Variants in CERS1 observed in about 807,000 individuals in gnomAD.
CERS1 encodes ceramide synthase 1.
A neutral mutation model predicts 35.7 loss-of-function variants in CERS1; 16 were observed. The ratio of observed to expected loss-of-function variants is 0.45; its 90% CI spans 0.30 to 0.68. The LOEUF (loss-of-function observed/expected upper bound fraction) is 0.68, where lower values mean the gene tolerates loss of function less well. Ranked by LOEUF, CERS1 falls within the 30% of genes least tolerant of loss-of-function variation. The pLI, the probability that CERS1 is intolerant of heterozygous loss-of-function variation, is 0.08. For missense variants in CERS1, 454 were observed against 453.9 expected (o/e 1.00, Z 0.00); for synonymous variants, 243 against 201.6 (o/e 1.21, Z -1.74).
chr19:18,894,134 G>A (rs2056566555), intron 1 of CERS1, among the ~76,000 whole-genome samples: 1 of 151,854 alleles, frequency 6.6e-6, no homozygotes, highest in South Asian at 2.1e-4. Context: ...GGGGCTGGAG[G>A]CAGAAAAAGG....
chr19:18,885,510 C>CTT (rs1568302620), intron 2 of CERS1, among the ~76,000 whole-genome samples: 1 of 29,506 alleles, frequency 3.4e-5, no homozygotes, highest in African/African-American at 1.1e-4. Flanking sequence ...CGCCCCTTCT[C>CTT]GTTTTTTTTT....
At position 18,870,605 on chromosome 19, in the gene CERS1, T is replaced by C. The variant is rs1402819628; in HGVS notation, c.1025A>G (p.Asn342Ser). The C allele has an allele frequency of 1.7e-6, 1 of 580,424 alleles. No homozygotes were observed. Among genetic ancestry groups the C allele is most frequent in the Non-Finnish European group, 3.1e-6 (1 of 320,430 alleles). The allele number at this position is 580,424 out of a possible 1,614,324, so 36.0% of individuals were successfully genotyped here. Reference protein sequence around the residue: ...KPSKAEKPLRNGLVKDKRF With the variant: ...KPSKAEKPLRSGLVKDKRF ...GAAGCGCTTGTCCTTCACCAGGCCG[T>C]TCCTCAGTGGCTTCCTGGGGGTCAG... Residue 342 changes from asparagine to serine, a missense_variant, in exon 7 of 8, where the codon AAC (asparagine) becomes AGC (serine). Transcript: ENST00000623882. This position sits in a 1 kb window ranked among gnomAD's most constrained non-coding sequence, Gnocchi z 5.1.
chr19:18,892,713 G>A (rs911080285), intron 2 of CERS1, among the ~76,000 whole-genome samples: 4 of 152,200 alleles, frequency 2.6e-5, no homozygotes, highest in East Asian at 1.9e-4. Flanking sequence ...GAGTGCCTCC[G>A]GGCCTTTGCA....
Position 18,896,118 on chromosome 19 carries a change from T to C in CERS1, c.-46A>G. 1.3e-6 allele frequency: 1 copy of C among 763,934 alleles called. No individual in the cohort carries two copies. The highest frequency in any genetic ancestry group is 1.6e-6 in the Non-Finnish European group (1 of 631,270). 47.3% of individuals were successfully genotyped at this position (763,934 alleles called of 1,614,324 possible). A position where few individuals can be genotyped will look rare whatever the true frequency, so the allele number is the denominator to read the frequency against. On this transcript the variant is annotated 5_prime_UTR_variant, in exon 1 of 8. Transcript: ENST00000623882. The surrounding 1 kb of genome is among the most constrained non-coding windows in gnomAD (Gnocchi z 5.9). ...GCCCGTCGCCTGCGCCCGCCCGCGG[T>C]AGCCGACGGAGCCGCGCGCCCCGCG... is the stretch of plus-strand genomic sequence containing the variant.
chr19:18,880,821 C>T (rs113954439), intron 3 of CERS1, among the ~76,000 whole-genome samples: 3,189 of 152,106 alleles, frequency 0.021, 104 homozygotes, highest in African/African-American at 0.072. Flanking sequence ...CCTCAGCCCC[C>T]GGAGAAGCTG....
rs769251788 is a variant in CERS1, at chr19:18,884,076, C to G, written c.590+11G>C. 6.2e-5 allele frequency: 99 copies of G among 1,609,688 alleles called. No homozygotes were observed. The highest frequency in any genetic ancestry group is 8.2e-5 in the Non-Finnish European group (96 of 1,177,314). On this transcript the variant is annotated intron_variant, in intron 3 of 7. Coordinates refer to ENST00000623882, the MANE Select transcript of CERS1 (RefSeq NM_021267.5). ...GTGCCTCGGCCCCCTGCCACCCGATCCTGTCCTTACCGGAAGGCGTAGGAG... is the reference window on the plus strand; with the variant it reads ...GTGCCTCGGCCCCCTGCCACCCGATGCTGTCCTTACCGGAAGGCGTAGGAG...
At position 18,895,749 on chromosome 19, in the gene CERS1, C is replaced by A; in HGVS notation, c.249+75G>T. 1 of 826,854 alleles carries A rather than the reference C, an allele frequency of 1.2e-6. No homozygotes were observed. 51.2% of individuals were successfully genotyped at this position (826,854 alleles called of 1,614,324 possible). A position where few individuals can be genotyped will look rare whatever the true frequency, so the allele number is the denominator to read the frequency against. Reference sequence around the variant, plus strand: ...GCCAGCGCTGGAAGAAAGGAACGCGCCGGCGGCCCCAGGTCCCCGGTCCCG... The same window carrying A: ...GCCAGCGCTGGAAGAAAGGAACGCGACGGCGGCCCCAGGTCCCCGGTCCCG... On this transcript the variant is annotated intron_variant, in intron 1 of 7. Transcript: ENST00000623882. The surrounding 1 kb of genome is among the most constrained non-coding windows in gnomAD (Gnocchi z 6.4).
At chr19:18,882,913 G>T (rs1466352640) in intron 3 of CERS1, among the ~76,000 whole-genome samples, 2 of 151,976 alleles carry the variant, frequency 1.3e-5, no homozygotes, top group Admixed American at 6.6e-5. Flanking sequence ...GGATGGTCTC[G>T]ATCTCCTGAC....
intron 6 of CERS1, among the ~76,000 whole-genome samples, chr19:18,872,763 G>A (rs979100245): frequency 3.3e-5 from 5 of 151,432 alleles, no homozygotes; most frequent in African/African-American, 7.3e-5. Context: ...TGATCCACCC[G>A]CCTCAGCCTC....
At position 18,869,178 on chromosome 19, in the gene CERS1, G is replaced by A. The variant is rs1327700282; in HGVS notation, c.*807C>T. ...GGCACCAACTGGCGGAGCAGCACCG[G>A]CCCGGGGTCCGCGCCCGCGCCCTGG... On this transcript the variant is annotated 3_prime_UTR_variant, in exon 8 of 8. Coordinates refer to ENST00000623882, the MANE Select transcript of CERS1 (RefSeq NM_021267.5). The A allele has an allele frequency of 1.7e-6, 2 of 1,160,422 alleles. No individual in the cohort carries two copies. The highest frequency in any genetic ancestry group is 4.9e-5 in the Admixed American group (1 of 20,490). The allele number at this position is 1,160,422 out of a possible 1,614,324, so 71.9% of individuals were successfully genotyped here.
At position 18,895,012 on chromosome 19, in the gene CERS1, A is replaced by G. The variant is rs1421621986; in HGVS notation, c.249+812T>C. Among the ~76,000 whole-genome samples, 1 of 152,174 alleles carries G rather than the reference A, an allele frequency of 6.6e-6. No homozygotes were observed. Among genetic ancestry groups the G allele is most frequent in the South Asian group, 2.1e-4 (1 of 4,830 alleles). ...GGGAAGTGAGTGGGGTCAGGCGCCAATGTCACCATCATGGTCACTCTCTCG... is the reference window on the plus strand; with the variant it reads ...GGGAAGTGAGTGGGGTCAGGCGCCAGTGTCACCATCATGGTCACTCTCTCG... On this transcript the variant is annotated intron_variant, in intron 1 of 7. Transcript: ENST00000623882. This position sits in a 1 kb window ranked among gnomAD's most constrained non-coding sequence, Gnocchi z 6.4.
At chr19:18,891,025 G>T (rs1270792139) in intron 2 of CERS1, among the ~76,000 whole-genome samples, 1 of 152,002 alleles carries the variant, frequency 6.6e-6, no homozygotes, top group Non-Finnish European at 1.5e-5. Context: ...TTAGGAGGCT[G>T]AGGCAGGAGA....
chr19:18,870,196 C>A lies in CERS1; in HGVS notation c.*381G>T, dbSNP rs1278423148. On this transcript the variant is annotated 3_prime_UTR_variant, in exon 7 of 8. Coordinates refer to ENST00000623882, the MANE Select transcript of CERS1 (RefSeq NM_021267.5). This position sits in a 1 kb window ranked among gnomAD's most constrained non-coding sequence, Gnocchi z 5.1. The stretch of plus-strand genomic sequence containing the variant: ...CGCAGTCCTAGAGCCTGGAGCAGGG[C>A]GGCGGCTGGGCCTGGGGGCACGGGG... 3.2e-6 allele frequency: 5 copies of A among 1,560,068 alleles called. No individual in the cohort carries two copies. Among genetic ancestry groups the A allele is most frequent in the Non-Finnish European group, 4.3e-6 (5 of 1,159,928 alleles).
intron 6 of CERS1, among the ~76,000 whole-genome samples, chr19:18,875,332 G>A (rs2056042126): frequency 6.6e-6 from 1 of 151,846 alleles, no homozygotes; most frequent in African/African-American, 2.4e-5. Context: ...GAACACTTGA[G>A]GTCAGGAGTT....
At chr19:18,875,215 G>A (rs745478472) in intron 6 of CERS1, among the ~76,000 whole-genome samples, 8 of 150,268 alleles carry the variant, frequency 5.3e-5, no homozygotes, top group Non-Finnish European at 7.4e-5. Context: ...CAGCGTGGGC[G>A]ACAGAGTGGG....
intron 2 of CERS1, among the ~76,000 whole-genome samples, chr19:18,885,806 G>A (rs59108958): frequency 0.012 from 1,869 of 151,926 alleles, 40 homozygotes; most frequent in African/African-American, 0.043. Context: ...GGCGTGAGCC[G>A]CTGCGCCCGG....
At position 18,893,512 on chromosome 19, in the gene CERS1, TC is replaced by T. The variant is rs2146074561; in HGVS notation, c.312del (p.Trp104Ter). 1 of 1,610,428 alleles carries T rather than the reference TC, an allele frequency of 6.2e-7. No homozygotes were observed. Among genetic ancestry groups the T allele is most frequent in the Non-Finnish European group, 8.5e-7 (1 of 1,178,666 alleles). ...CAGCTGCCCAGGTAGAAGAGAAACT[TC>T]CAAGCGCTCTCGGGCATCTTGGCGG... ...RDAAKMPESA[W>X]KFLFYLGSWS... On this transcript the variant is annotated frameshift_variant, in exon 2 of 8. Transcript: ENST00000623882. LOFTEE classifies it high-confidence loss of function.
At chr19:18,884,888 G>C (rs1179825305) in intron 2 of CERS1, among the ~76,000 whole-genome samples, 1 of 150,198 alleles carries the variant, frequency 6.7e-6, no homozygotes, top group Non-Finnish European at 1.5e-5. Flanking sequence ...TAATTTTTTT[G>C]TATTTTTAGT....
rs2056620858 is a variant in CERS1 at position 18,896,068 on chromosome 19, G to A, written c.5C>T (p.Ala2Val). Residue 2 changes from alanine (A) to valine (V), a missense_variant, in exon 1 of 8, where the codon GCG (alanine) becomes GTG (valine). Transcript: ENST00000623882. This position sits in a 1 kb window ranked among gnomAD's most constrained non-coding sequence, Gnocchi z 5.9. MAAAGPAAGPTG... is the reference protein window; with the variant it reads MVAAGPAAGPTG... ...CGGCCCCGCCGCGGGCCCCGCCGCC[G>A]CCATACCGCCCGCTCGCCCGCCGTG... The A allele has an allele frequency of 1.0e-6, 1 of 972,140 alleles. No individual in the cohort carries two copies. Among genetic ancestry groups the A allele is most frequent in the Non-Finnish European group, 1.2e-6 (1 of 819,912 alleles). The allele number at this position is 972,140 out of a possible 1,614,324, so 60.2% of individuals were successfully genotyped here.
Sources: gnomAD v4.1 joint callset for allele counts (sites outside exome capture counted in the v4.1 genomes callset) on GRCh38, gnomAD v4.1.1 for gene constraint, Gnocchi (gnomAD v3.1) non-coding constraint, MANE v1.5 for transcripts, NCBI Gene and HGNC (gene_info 2026-07-23, HGNC 2026-07-21) for gene names.